CORO1C: variants seen among roughly 807,000 people sequenced by gnomAD.
The protein encoded by CORO1C is coronin 1C.
A neutral mutation model predicts 51.2 loss-of-function variants in CORO1C; 14 were observed. That is an observed-to-expected ratio of 0.27 (90% CI 0.18 to 0.43). CORO1C has a LOEUF of 0.43. CORO1C is among the 20% of genes least tolerant of loss of function. The pLI is 1.00. For synonymous variants in CORO1C, 181 were observed against 210.5 expected, an observed-to-expected ratio of 0.86 and a Z score of 1.21; for missense variants, 417 against 607.8, an observed-to-expected ratio of 0.69 and a Z score of 3.30.
intron 1 of CORO1C, among the ~76,000 whole-genome samples, chr12:108,728,808 G>A (rs1295518992): frequency 6.6e-6 from 1 of 152,116 alleles, no homozygotes; most frequent in Non-Finnish European, 1.5e-5. Context: ...ATACAGAAAA[G>A]GTATCTTAAG....
chr12:108,700,895 T>A, intron 2 of CORO1C: 1 of 471,974 alleles, frequency 2.1e-6, no homozygotes, highest in East Asian at 3.3e-5. Flanking sequence ...GTTATAATAA[T>A]TTTTTCATCC....
At chr12:108,721,166 A>T (rs1421899415) in intron 1 of CORO1C, among the ~76,000 whole-genome samples, 1 of 152,264 alleles carries the variant, frequency 6.6e-6, no homozygotes, top group Non-Finnish European at 1.5e-5. Context: ...AGTGACACCC[A>T]CAAATTACAC....
intron 2 of CORO1C, among the ~76,000 whole-genome samples, chr12:108,683,459 A>AAAAAAAATAAC (rs2034194870): frequency 6.8e-6 from 1 of 148,144 alleles, no homozygotes; most frequent in South Asian, 2.1e-4. Context: ...TCAGTGGAAA[A>AAAAAAAATAAC]AAAATAAATA....
chr12:108,656,644 T>C (rs1436841880), intron 6 of CORO1C, among the ~76,000 whole-genome samples: 1 of 152,180 alleles, frequency 6.6e-6, no homozygotes, highest in Non-Finnish European at 1.5e-5. Context: ...AGAAATCAGA[T>C]TGTTGCTGTG....
rs550358835 is a variant in CORO1C at position 108,722,018 on chromosome 12, T to C, written c.-6+9411A>G. On this transcript the variant is annotated intron_variant, in intron 1 of 10. Coordinates refer to ENST00000261401, the MANE Select transcript of CORO1C (RefSeq NM_014325.4). The stretch of plus-strand genomic sequence containing the variant: ...TTCTAAAGCAGGCATGGTTTCTTCC[T>C]GATTCCAGGTATCAGGACTAGCCTC... Among the ~76,000 whole-genome samples the C allele has an allele frequency of 1.1e-4, 16 of 152,326 alleles. No individual in the cohort carries two copies. In the East Asian group the frequency reaches 2.9e-3, roughly 28 times the overall value.
chr12:108,715,921 C>G (rs979736915), intron 1 of CORO1C, among the ~76,000 whole-genome samples: 1 of 151,678 alleles, frequency 6.6e-6, no homozygotes, highest in African/African-American at 2.4e-5. Flanking sequence ...ATCACAAGGT[C>G]AGGAAATGAG....
intron 3 of CORO1C, among the ~76,000 whole-genome samples, chr12:108,663,325 T>C (rs1454331549): frequency 6.6e-6 from 1 of 152,236 alleles, no homozygotes. Context: ...ATTCCACTCC[T>C]AGGGATATAC....
intron 1 of CORO1C, among the ~76,000 whole-genome samples, chr12:108,717,302 T>TGCGAA (rs2035361824): frequency 6.6e-6 from 1 of 152,222 alleles, no homozygotes; most frequent in African/African-American, 2.4e-5. Flanking sequence ...TAGAAGAGGC[T>TGCGAA]GCGAGGTCAG....
intron 2 of CORO1C, among the ~76,000 whole-genome samples, chr12:108,694,093 C>T (rs1002576068): frequency 2.0e-5 from 3 of 152,018 alleles, no homozygotes; most frequent in African/African-American, 7.3e-5. Flanking sequence ...ACCAGCCTGG[C>T]CAACACAGTG....
At chr12:108,660,642 C>G (rs2033222495) in intron 4 of CORO1C, among the ~76,000 whole-genome samples, 1 of 152,226 alleles carries the variant, frequency 6.6e-6, no homozygotes, top group Non-Finnish European at 1.5e-5. Context: ...ACGACAATCA[C>G]CCATTCTCCT....
In CORO1C at chr12:108,662,118, G is replaced by T; in HGVS notation, c.359C>A (p.Thr120Asn). 6.2e-7 allele frequency: 1 copy of T among 1,613,820 alleles called. No homozygotes were observed. Among genetic ancestry groups the T allele is most frequent in the Non-Finnish European group, 8.5e-7 (1 of 1,179,726 alleles). The change falls in exon 4 of 11, where the codon ACT becomes AAT. Residue 120 changes from threonine to asparagine, a missense_variant. By Grantham distance (65) the Thr-to-Asn change is moderately conservative (BLOSUM62 0). Transcript: ENST00000261401. ...GCCTTCCAAAATCACCACAGGTTCA[G>T]TCAGGGAAAGGGTGAGTCCATTTTC... ...IPENGLTLSL[T>N]EPVVILEGHS...
chr12:108,678,183 T>TATAC, intron 3 of CORO1C, 89 bp downstream of exon 3: 2 of 1,218,430 alleles, frequency 1.6e-6, no homozygotes, highest in South Asian at 1.9e-5. Context: ...TTCAAGCCTC[T>TATAC]ATACATACAC....
chr12:108,704,167 CA>C (rs2034960563), intron 1 of CORO1C, among the ~76,000 whole-genome samples: 1 of 152,146 alleles, frequency 6.6e-6, no homozygotes, highest in Non-Finnish European at 1.5e-5. Context: ...GGCTGACATA[CA>C]TACTAAACTA....
intron 7 of CORO1C, 144 bp from the exon 8 acceptor site, chr12:108,652,561 C>T (rs752414472): frequency 1.4e-5 from 9 of 656,442 alleles, no homozygotes; most frequent in Non-Finnish European, 2.4e-5. Flanking sequence ...AGAGGCTTGC[C>T]TAAAGCATAT....
At chr12:108,693,896 C>T (rs1284848479) in intron 2 of CORO1C, among the ~76,000 whole-genome samples, 1 of 152,142 alleles carries the variant, frequency 6.6e-6, no homozygotes. Flanking sequence ...TCTTCCTTAC[C>T]TTCTAAGCCT....
chr12:108,658,652 C>G lies in CORO1C; in HGVS notation c.630+86G>C. The G allele has an allele frequency of 7.3e-7, 1 of 1,374,470 alleles. No individual in the cohort carries two copies. Among genetic ancestry groups the G allele is most frequent in the Non-Finnish European group, 1.0e-6 (1 of 984,198 alleles). 85.1% of individuals were successfully genotyped at this position (1,374,470 alleles called of 1,614,324 possible). A position where few individuals can be genotyped will look rare whatever the true frequency, so the allele number is the denominator to read the frequency against. The stretch of plus-strand genomic sequence containing the variant: ...CTACACACAACAGGGTCCCACTGAC[C>G]AGTACCGCTGCCTGCCTTAAAAAGC... On this transcript the variant is annotated intron_variant, in intron 5 of 10. Transcript: ENST00000261401. This position sits in a 1 kb window ranked among gnomAD's most constrained non-coding sequence, Gnocchi z 4.9.
In CORO1C at chr12:108,645,462, G is replaced by A. The variant is rs1281002721; in HGVS notation, c.*1941C>T. 6.6e-6 allele frequency: 1 copy of A among 152,090 alleles called. No individual in the cohort carries two copies. The highest frequency in any genetic ancestry group is 1.5e-5 in the Non-Finnish European group (1 of 68,026). 9.4% of individuals were successfully genotyped at this position (152,090 alleles called of 1,614,324 possible). On this transcript the variant is annotated 3_prime_UTR_variant, in exon 11 of 11. Transcript: ENST00000261401. ...GATATCAGAACCTTAAAACACTACT[G>A]AATCTTAGACAAAAGGTCCTCAGCA...
At chr12:108,703,092 C>T (rs1231775970) in intron 1 of CORO1C, 1 of 695,354 alleles carries the variant, frequency 1.4e-6, no homozygotes, top group Non-Finnish European at 2.2e-6. Flanking sequence ...CACATCTATA[C>T]AAAAGCCAAC....
intron 2 of CORO1C, chr12:108,700,854 A>C: frequency 3.1e-6 from 1 of 319,854 alleles, no homozygotes; most frequent in South Asian, 9.0e-5. Context: ...GAAATCTTAA[A>C]ATTCCTATGC....
Sources: allele counts gnomAD v4.1 joint callset (sites outside exome capture counted in the v4.1 genomes callset), GRCh38; gene constraint gnomAD v4.1.1; non-coding constraint Gnocchi (gnomAD v3.1); transcripts MANE v1.5; gene names NCBI Gene and HGNC (gene_info 2026-07-23, HGNC 2026-07-21).